The following SPIDR variants were observed in gnomAD, a reference collection of about 807,000 sequenced individuals.
SPIDR encodes DNA repair-scaffolding protein.
SPIDR carries 93 observed loss-of-function variants against 104.6 expected under a neutral mutation model. The observed-to-expected ratio is 0.89, with a 90% CI of 0.75 to 1.06. The LOEUF (loss-of-function observed/expected upper bound fraction) is 1.06, where lower values mean the gene tolerates loss of function less well. Ranked by LOEUF, SPIDR falls within the 50% of genes least tolerant of loss-of-function variation. The probability of loss-of-function intolerance (pLI) is 0.00; values close to 1 mark genes in which losing one functional copy is unlikely to be tolerated. For missense variants in SPIDR, 1,154 were observed against 1,111.2 expected (o/e 1.04, Z -0.55); for synonymous variants, 431 against 416.9 (o/e 1.03, Z -0.41).
chr8:47,525,013 C>T (rs1351103974), intron 8 of SPIDR, among the ~76,000 whole-genome samples: 2 of 152,192 alleles, frequency 1.3e-5, no homozygotes, highest in African/African-American at 4.8e-5. Context: ...AGGGATGACA[C>T]ACCCTGTTTT....
At chr8:47,480,596 A>G (rs2076795553) in intron 8 of SPIDR, among the ~76,000 whole-genome samples, 1 of 152,236 alleles carries the variant, frequency 6.6e-6, no homozygotes, top group African/African-American at 2.4e-5. Context: ...CTTCGTTCAT[A>G]TAAACTGAAA....
intron 1 of SPIDR, among the ~76,000 whole-genome samples, chr8:47,275,235 G>GA (rs2036169317): frequency 6.6e-6 from 1 of 151,740 alleles, no homozygotes; most frequent in African/African-American, 2.4e-5. Context: ...CTCCAGCCTG[G>GA]GGGAGAGAGC....
At chr8:47,356,062 A>T (rs2054483034) in intron 5 of SPIDR, among the ~76,000 whole-genome samples, 1 of 152,186 alleles carries the variant, frequency 6.6e-6, no homozygotes, top group South Asian at 2.1e-4. Context: ...GAGTGAATGA[A>T]TGAATGTAGC....
rs190307111 is a variant in SPIDR, at chr8:47,735,884, C to G, written c.*434C>G. 2.8e-4 allele frequency: 81 copies of G among 284,718 alleles called. No homozygotes were observed. The highest frequency in any genetic ancestry group is 1.6e-3 in the African/African-American group (70 of 44,596). The allele number at this position is 284,718 out of a possible 1,614,324, so 17.6% of individuals were successfully genotyped here. A position where few individuals can be genotyped will look rare whatever the true frequency, so the allele number is the denominator to read the frequency against. ...ACCTTTGTCCCATACTGTGATATTA[C>G]TGTTCTGCTACAATAAATGTCAAAC... is the stretch of plus-strand genomic sequence containing the variant. On this transcript the variant is annotated 3_prime_UTR_variant, in exon 20 of 20. Coordinates refer to ENST00000297423, the MANE Select transcript of SPIDR (RefSeq NM_001080394.4).
intron 11 of SPIDR, among the ~76,000 whole-genome samples, chr8:47,679,673 G>C (rs1428625196): frequency 6.6e-6 from 1 of 152,206 alleles, no homozygotes; most frequent in Non-Finnish European, 1.5e-5. Context: ...CTGCGCCACT[G>C]GGCTCCAAGT....
chr8:47,552,110 G>A (rs544555551), intron 8 of SPIDR, among the ~76,000 whole-genome samples: 1 of 152,280 alleles, frequency 6.6e-6, no homozygotes, highest in East Asian at 1.9e-4. Flanking sequence ...CTGAGTTCTA[G>A]TTTGATTGCA....
chr8:47,491,188 A>G lies in SPIDR; in HGVS notation c.1097+50646A>G, dbSNP rs10111546. 2.0e-5 allele frequency among the ~76,000 whole-genome samples: 3 copies of G among 152,158 alleles called. No homozygotes were observed. In the East Asian group the frequency reaches 5.8e-4, roughly 29 times the overall value. Reference sequence around the variant, plus strand: ...ATTATAATCATAAATGGGTCGTTTAAGTTTTTTACTGAAGCAATAGTTTTC... The same window carrying G: ...ATTATAATCATAAATGGGTCGTTTAGGTTTTTTACTGAAGCAATAGTTTTC... On this transcript the variant is annotated intron_variant, in intron 8 of 19. Transcript: ENST00000297423.
At chr8:47,282,969 C>A (rs1436397057) in intron 2 of SPIDR, among the ~76,000 whole-genome samples, 1 of 152,024 alleles carries the variant, frequency 6.6e-6, no homozygotes, top group Non-Finnish European at 1.5e-5. Flanking sequence ...GATTCTCCTG[C>A]CTCAGCCTCC....
intron 8 of SPIDR, among the ~76,000 whole-genome samples, chr8:47,531,276 A>G (rs975158568): frequency 5.9e-5 from 9 of 152,152 alleles, no homozygotes; most frequent in Non-Finnish European, 7.4e-5. Flanking sequence ...AGGATCATCA[A>G]TGTCACACTG....
intron 5 of SPIDR, among the ~76,000 whole-genome samples, chr8:47,379,882 C>G (rs1256496646): frequency 2.6e-5 from 4 of 152,188 alleles, no homozygotes; most frequent in African/African-American, 9.7e-5. Context: ...TCACTGGTTA[C>G]TGCTTTTGCT....
intron 1 of SPIDR, among the ~76,000 whole-genome samples, chr8:47,261,933 G>T (rs1043840390): frequency 6.6e-6 from 1 of 152,214 alleles, no homozygotes; most frequent in African/African-American, 2.4e-5. Flanking sequence ...GCTAAATCCA[G>T]TGTAAGTTGT....
chr8:47,469,738 G>A (rs1297052935), intron 8 of SPIDR, among the ~76,000 whole-genome samples: 3 of 152,046 alleles, frequency 2.0e-5, no homozygotes, highest in South Asian at 4.2e-4. Flanking sequence ...GCGGAAGGAG[G>A]GAGAGGATCA....
chr8:47,640,151 C>T (rs2068637138), intron 10 of SPIDR, among the ~76,000 whole-genome samples: 2 of 152,318 alleles, frequency 1.3e-5, no homozygotes, highest in Admixed American at 6.5e-5. Flanking sequence ...AATCAACACA[C>T]TGGATGCCCC....
chr8:47,591,561 A>G (rs1449236986), intron 8 of SPIDR, among the ~76,000 whole-genome samples: 2 of 152,064 alleles, frequency 1.3e-5, no homozygotes, highest in African/African-American at 2.4e-5. Context: ...GAAGGGGGGA[A>G]TCTACATTTG....
chr8:47,703,586 T>A (rs1359631397), intron 14 of SPIDR, among the ~76,000 whole-genome samples: 1 of 152,256 alleles, frequency 6.6e-6, no homozygotes, highest in East Asian at 1.9e-4. Flanking sequence ...TGAGCAGGGC[T>A]GTGTTTCAGA....
intron 10 of SPIDR, among the ~76,000 whole-genome samples, chr8:47,622,762 T>A (rs1316669043): frequency 1.3e-5 from 2 of 152,152 alleles, no homozygotes; most frequent in African/African-American, 4.8e-5. Context: ...AAATGTCAGG[T>A]CAACTCCCTA....
intron 5 of SPIDR, among the ~76,000 whole-genome samples, chr8:47,347,867 G>C (rs1443482155): frequency 6.6e-6 from 1 of 152,106 alleles, no homozygotes; most frequent in Non-Finnish European, 1.5e-5. Context: ...TGGGTCTCCT[G>C]AATACAGCAC....
intron 5 of SPIDR, among the ~76,000 whole-genome samples, chr8:47,379,900 A>T (rs969200063): frequency 1.3e-5 from 2 of 151,824 alleles, no homozygotes; most frequent in Non-Finnish European, 2.9e-5. Context: ...GCTTTTCTTT[A>T]TTGCTTTTGT....
intron 11 of SPIDR, among the ~76,000 whole-genome samples, chr8:47,685,513 A>ATTTTTTTTT (rs376980650): frequency 0.024 from 2,870 of 120,856 alleles, 159 homozygotes; most frequent in Non-Finnish European, 0.036. Flanking sequence ...TTATTTATTT[A>ATTTTTTTTT]TTTATTTTTT....
Sources: allele counts gnomAD v4.1 joint callset (sites outside exome capture counted in the v4.1 genomes callset), GRCh38; gene constraint gnomAD v4.1.1; transcripts MANE v1.5; gene names NCBI Gene and HGNC (gene_info 2026-07-23, HGNC 2026-07-21).